VWA3A: variants seen among roughly 807,000 people sequenced by gnomAD.
The protein encoded by VWA3A is von Willebrand factor A domain-containing protein 3A.
A neutral mutation model predicts 160.4 loss-of-function variants in VWA3A; 134 were observed. The ratio of observed to expected loss-of-function variants is 0.84; its 90% CI spans 0.73 to 0.96. VWA3A has a LOEUF of 0.96. Ranked by LOEUF, VWA3A falls within the 40% of genes least tolerant of loss-of-function variation. VWA3A has a pLI of 0.00. For synonymous variants in VWA3A, 476 were observed against 543.4 expected (o/e 0.88, Z 1.72); for missense variants, 1,310 against 1,447.9 (o/e 0.90, Z 1.55).
At chr16:22,131,778 G>A (rs146588647) in intron 19 of VWA3A, 49 bp downstream of exon 19, 343 of 1,573,754 alleles carry the variant, frequency 2.2e-4, no homozygotes, top group Middle Eastern at 1.7e-3. Flanking sequence ...GACCTCATCC[G>A]TCTTCCCCCA....
At chr16:22,092,830 C>T (rs974158591) in intron 1 of VWA3A, among the ~76,000 whole-genome samples, 179 bp downstream of exon 1, 1 of 151,992 alleles carries the variant, frequency 6.6e-6, no homozygotes, top group African/African-American at 2.4e-5. Flanking sequence ...GTCATGGAGC[C>T]GGTCTAGGAG....
intron 6 of VWA3A, among the ~76,000 whole-genome samples, chr16:22,108,464 G>A (rs1162066575): frequency 6.6e-6 from 1 of 152,148 alleles, no homozygotes; most frequent in Non-Finnish European, 1.5e-5. Context: ...GGGCTGGTAG[G>A]TCAGTAGACT....
rs774009668 is a variant in VWA3A, at chr16:22,115,425, C to T, written c.768C>T (p.Ile256=). 52 of 1,606,938 alleles carry T rather than the reference C, an allele frequency of 3.2e-5. No individual in the cohort carries two copies. The highest frequency in any genetic ancestry group is 4.3e-5 in the Non-Finnish European group (51 of 1,176,892). Residue 256 remains isoleucine, a synonymous_variant, in exon 9 of 34, where the codon ATC becomes ATT. Transcript: ENST00000389398. ...ACCTGCTACAAGCTCTGAAGAAGAT[C>T]TTCACTCTCAAGGGACTGGATTCCC... is the stretch of plus-strand genomic sequence containing the variant. ...GSNLLQALKK[I]FTLKGLDSLV...
chr16:22,149,998 C>A, intron 29 of VWA3A, 67 bp downstream of exon 29: 2 of 1,502,520 alleles, frequency 1.3e-6, no homozygotes, highest in Admixed American at 2.1e-5. Context: ...GCTGATGCTG[C>A]ACGATGCTTT....
Position 22,117,144 on chromosome 16 carries a change from G to T in VWA3A, c.958G>T (p.Gly320Cys). 6.3e-7 allele frequency: 1 copy of T among 1,584,578 alleles called. No homozygotes were observed. The highest frequency in any genetic ancestry group is 2.3e-5 in the East Asian group (1 of 43,392). ...GAAGAACCTTGCAGAAGCTGTTAGG[G>T]GCTACTACCACTGCTACAGCCCAAA... ...VLKNLAEAVR[G>C]YYHCYSPKME... Residue 320 changes from glycine (G) to cysteine (C), a missense_variant, in exon 11 of 34, where the codon GGC becomes TGC. Gly to Cys is a radical substitution (Grantham distance 159, BLOSUM62 -3). Coordinates refer to ENST00000389398, the MANE Select transcript of VWA3A (RefSeq NM_173615.5).
chr16:22,117,148 A>T lies in VWA3A; in HGVS notation c.962A>T (p.Tyr321Phe). 1 of 1,584,412 alleles carries T rather than the reference A, an allele frequency of 6.3e-7. No individual in the cohort carries two copies. Among genetic ancestry groups the T allele is most frequent in the Non-Finnish European group, 8.6e-7 (1 of 1,165,054 alleles). ...AACCTTGCAGAAGCTGTTAGGGGCT[A>T]CTACCACTGCTACAGCCCAAAGATG... Reference protein sequence around the residue: ...LKNLAEAVRGYYHCYSPKMEH... With the variant: ...LKNLAEAVRGFYHCYSPKMEH... Residue 321 changes from tyrosine to phenylalanine, a missense_variant, in exon 11 of 34, where the codon TAC becomes TTC. Tyr to Phe is a conservative substitution (Grantham distance 22). Transcript: ENST00000389398.
At chr16:22,108,515 T>C (rs1249812180) in intron 6 of VWA3A, among the ~76,000 whole-genome samples, 1 of 152,162 alleles carries the variant, frequency 6.6e-6, no homozygotes, top group Non-Finnish European at 1.5e-5. Flanking sequence ...CAATTTGTTT[T>C]TGTTTTCTCA....
Position 22,117,130 on chromosome 16 carries a change from C to A in VWA3A, c.944C>A (p.Ala315Glu), listed in dbSNP as rs754953602. The A allele has an allele frequency of 7.6e-6, 12 of 1,584,266 alleles. No individual in the cohort carries two copies. Among genetic ancestry groups the A allele is most frequent in the South Asian group, 2.3e-5 (2 of 86,170 alleles). The change falls in exon 11 of 34, where the codon GCA (alanine) becomes GAA (glutamate). Residue 315 changes from alanine to glutamate, a missense_variant. By Grantham distance (107) the Ala-to-Glu change is moderately radical. Transcript: ENST00000389398. ...CTGCAGGCTGTCCTGAAGAACCTTG[C>A]AGAAGCTGTTAGGGGCTACTACCAC... ...QMPPAVLKNL[A>E]EAVRGYYHCY...
At chr16:22,129,130 T>C (rs919022270) in intron 17 of VWA3A, among the ~76,000 whole-genome samples, 14 of 151,312 alleles carry the variant, frequency 9.3e-5, no homozygotes, top group African/African-American at 3.2e-4. Flanking sequence ...TGGCTCACGC[T>C]TGTAATCCCA....
chr16:22,116,336 GAGAA>G (rs769942530), intron 9 of VWA3A: 8 of 424,162 alleles, frequency 1.9e-5, no homozygotes, highest in East Asian at 7.3e-5. Context: ...ATGGAAGAGA[GAGAA>G]AGAAAAAAGA....
At chr16:22,138,633 G>A in intron 22 of VWA3A, 121 bp downstream of exon 22, 3 of 1,332,490 alleles carry the variant, frequency 2.3e-6, no homozygotes, top group Non-Finnish European at 3.0e-6. Flanking sequence ...AGTGGTGAGT[G>A]TCCTGTGGGT....
chr16:22,140,124 C>T (rs746744078), intron 22 of VWA3A, 30 bp from the exon 23 acceptor site: 25 of 1,604,988 alleles, frequency 1.6e-5, no homozygotes, highest in South Asian at 3.3e-5. Flanking sequence ...GGGAACACTC[C>T]TCTGATGGGA....
intron 1 of VWA3A, among the ~76,000 whole-genome samples, chr16:22,095,000 C>A: frequency 6.6e-6 from 1 of 151,298 alleles, no homozygotes; most frequent in South Asian, 2.1e-4. Context: ...GGGAGTCTTT[C>A]AACCTCCTGC....
At chr16:22,103,370 T>TAAAA in intron 5 of VWA3A, 105 bp from the exon 6 acceptor site, 2 of 887,026 alleles carry the variant, frequency 2.3e-6, no homozygotes, top group Non-Finnish European at 3.3e-6. Context: ...CTATGCACAT[T>TAAAA]AAAAAAAAAA....
chr16:22,123,319 C>T (rs1053045915), intron 15 of VWA3A, among the ~76,000 whole-genome samples, 154 bp downstream of exon 15: 3 of 151,766 alleles, frequency 2.0e-5, no homozygotes, highest in Admixed American at 1.3e-4. Context: ...GAAGCTTTGG[C>T]CATCTCCTCC....
chr16:22,116,174 A>G (rs979029245), intron 9 of VWA3A, among the ~76,000 whole-genome samples: 2 of 136,914 alleles, frequency 1.5e-5, no homozygotes, highest in African/African-American at 3.6e-5. Context: ...AGAAAGAAAC[A>G]AAGAATGAAA....
chr16:22,141,832 A>T (rs755371837), intron 24 of VWA3A, 140 bp downstream of exon 24: 23 of 644,622 alleles, frequency 3.6e-5, no homozygotes, highest in Admixed American at 1.8e-4. Flanking sequence ...GCCGTACTCA[A>T]CTCAGTTCTC....
At chr16:22,149,632 T>C (rs931459510) in intron 28 of VWA3A, among the ~76,000 whole-genome samples, 155 bp from the exon 29 acceptor site, 1 of 152,218 alleles carries the variant, frequency 6.6e-6, no homozygotes, top group Non-Finnish European at 1.5e-5. Context: ...GCCCTCTCCC[T>C]GAGGGGCCAC....
At chr16:22,119,805 G>A (rs138458584) in intron 12 of VWA3A, among the ~76,000 whole-genome samples, 14,649 of 152,128 alleles carry the variant, frequency 0.096, 1,002 homozygotes, top group East Asian at 0.24. Context: ...ATCGCTTGAG[G>A]TGAGGAGTTC....
Sources: allele counts gnomAD v4.1 joint callset (sites outside exome capture counted in the v4.1 genomes callset), GRCh38; gene constraint gnomAD v4.1.1; transcripts MANE v1.5; gene names NCBI Gene and HGNC (gene_info 2026-07-23, HGNC 2026-07-21).